Variants in SUPT6H observed in about 807,000 individuals in gnomAD.
SUPT6H encodes SPT6 homolog, histone chaperone and transcription elongation factor, also known as transcription elongation factor SPT6.
A neutral mutation model predicts 222.3 loss-of-function variants in SUPT6H; 11 were observed. The ratio of observed to expected loss-of-function variants is 0.05; its 90% confidence interval spans 0.03 to 0.08. The LOEUF is 0.08. Ranked by LOEUF, SUPT6H falls within the 10% of genes least tolerant of loss-of-function variation. SUPT6H has a pLI of 1.00. For synonymous variants in SUPT6H, 762 were observed against 801.2 expected (o/e 0.95, Z 0.83); for missense variants, 1,422 against 2,216.0 (o/e 0.64, Z 7.19).
chr17:28,666,267 A>G (rs2030003144), intron 1 of SUPT6H, among the ~76,000 whole-genome samples: 1 of 152,262 alleles, frequency 6.6e-6, no homozygotes, highest in Non-Finnish European at 1.5e-5. Flanking sequence ...ATCAGGGGTC[A>G]CAAACTAAGG....
At chr17:28,695,306 C>A in intron 28 of SUPT6H, 46 bp from the exon 29 acceptor site, 1 of 1,579,074 alleles carries the variant, frequency 6.3e-7, no homozygotes, top group Non-Finnish European at 8.6e-7. Context: ...GGGCATCGGG[C>A]TAGATCATCT....
Position 28,693,790 on chromosome 17 carries a change from A to G in SUPT6H, c.3728A>G (p.Lys1243Arg), listed in dbSNP as rs779180086. 1.9e-6 allele frequency: 3 copies of G among 1,614,188 alleles called. No individual in the cohort carries two copies. The highest frequency in any genetic ancestry group is 2.2e-5 in the East Asian group (1 of 44,886). ...DNGVTGFIPTKFLSDKVVKRP... is the reference protein window; with the variant it reads ...DNGVTGFIPTRFLSDKVVKRP... ...GGTGTCACCGGCTTCATCCCCACCA[A>G]ATTCCTCAGTGACAAAGTGGTAAAG... The change falls in exon 28 of 37, where the codon AAA becomes AGA. Residue 1243 changes from lysine to arginine, a missense_variant. This residue lies in a region of SUPT6H where 39 missense variants were observed against 124.2 expected (regional missense o/e 0.31). Coordinates refer to ENST00000314616, the MANE Select transcript of SUPT6H (RefSeq NM_003170.5).
intron 11 of SUPT6H, among the ~76,000 whole-genome samples, 174 bp downstream of exon 11, chr17:28,679,137 C>T (rs1256407859): frequency 2.0e-5 from 3 of 152,046 alleles, no homozygotes; most frequent in Admixed American, 6.6e-5. Context: ...TTTGGGAGGC[C>T]GAGGCGGGCA....
chr17:28,697,558 G>T, intron 30 of SUPT6H, 62 bp from the exon 31 acceptor site: 1 of 1,394,698 alleles, frequency 7.2e-7, no homozygotes, highest in African/African-American at 1.4e-5. Context: ...TCTTCTGGAT[G>T]GATTTGATCA....
intron 1 of SUPT6H, among the ~76,000 whole-genome samples, chr17:28,666,148 A>G (rs2029996352): frequency 6.6e-6 from 1 of 152,310 alleles, no homozygotes; most frequent in Non-Finnish European, 1.5e-5. Context: ...TCCTCTGCTG[A>G]ACTAATTCCT....
chr17:28,686,483 G>A, intron 20 of SUPT6H, 68 bp downstream of exon 20: 4 of 1,575,742 alleles, frequency 2.5e-6, no homozygotes, highest in Non-Finnish European at 3.5e-6. Context: ...ATTGAGTCTG[G>A]CATATGCCCA....
intron 32 of SUPT6H, among the ~76,000 whole-genome samples, chr17:28,698,833 G>T (rs1437561761): frequency 6.6e-6 from 1 of 152,168 alleles, no homozygotes; most frequent in East Asian, 1.9e-4. Context: ...CTGGAATATT[G>T]TGCTCATTTC....
intron 1 of SUPT6H, among the ~76,000 whole-genome samples, chr17:28,662,845 G>A (rs371309476): frequency 1.3e-5 from 2 of 152,198 alleles, no homozygotes; most frequent in East Asian, 1.9e-4. Context: ...CCTTTCTAAA[G>A]ATCGAAGGTC....
At chr17:28,682,029 G>A in intron 13 of SUPT6H, 49 bp downstream of exon 13, 2 of 1,487,794 alleles carry the variant, frequency 1.3e-6, no homozygotes, top group Non-Finnish European at 1.8e-6. Context: ...TGAGCAAGGG[G>A]AGTTACCCAG....
intron 9 of SUPT6H, among the ~76,000 whole-genome samples, 172 bp downstream of exon 9, chr17:28,678,364 C>G (rs2030883640): frequency 1.3e-5 from 2 of 152,312 alleles, no homozygotes; most frequent in Middle Eastern, 3.4e-3. Flanking sequence ...GCTACCCTGT[C>G]TGCAGCTTTA....
At chr17:28,665,576 G>A (rs1027626037) in intron 1 of SUPT6H, among the ~76,000 whole-genome samples, 2 of 152,068 alleles carry the variant, frequency 1.3e-5, no homozygotes, top group South Asian at 4.2e-4. Flanking sequence ...TGGCCAACAT[G>A]GTGAAACCCC....
At chr17:28,700,636 C>T (rs1412016216) in intron 35 of SUPT6H, 124 bp downstream of exon 35, 17 of 1,307,550 alleles carry the variant, frequency 1.3e-5, no homozygotes, top group Non-Finnish European at 1.7e-5. Flanking sequence ...CTGTCTCCAA[C>T]AGATATTTCT....
chr17:28,679,431 C>T (rs2030956588), intron 11 of SUPT6H, among the ~76,000 whole-genome samples: 1 of 152,004 alleles, frequency 6.6e-6, no homozygotes, highest in African/African-American at 2.4e-5. Context: ...TGCCTGTAGT[C>T]CCAGTTACTT....
At chr17:28,684,532 C>A in intron 17 of SUPT6H, 54 bp from the exon 18 acceptor site, 1 of 1,600,648 alleles carries the variant, frequency 6.2e-7, no homozygotes, top group Non-Finnish European at 8.6e-7. Flanking sequence ...CTTGGTGAGC[C>A]TGATGACCAT....
chr17:28,687,558 G>T (rs549029017), intron 23 of SUPT6H, 87 bp downstream of exon 23: 7 of 1,426,394 alleles, frequency 4.9e-6, no homozygotes, highest in Non-Finnish European at 6.6e-6. Context: ...TTGACAGATT[G>T]GGAGGACCAA....
chr17:28,683,132 G>T, intron 15 of SUPT6H, 40 bp downstream of exon 15: 1 of 1,565,776 alleles, frequency 6.4e-7, no homozygotes, highest in Admixed American at 2.0e-5. Flanking sequence ...ATGTGCACCA[G>T]CTCTTTCTTT....
chr17:28,687,642 G>A (rs1279093503), intron 23 of SUPT6H, among the ~76,000 whole-genome samples, 171 bp downstream of exon 23: 2 of 152,184 alleles, frequency 1.3e-5, no homozygotes, highest in Non-Finnish European at 2.9e-5. Context: ...GTTGGCCAAA[G>A]CTGTGCCCTT....
intron 9 of SUPT6H, 150 bp downstream of exon 9, chr17:28,678,342 C>A: frequency 3.5e-6 from 3 of 861,142 alleles, no homozygotes; most frequent in Non-Finnish European, 3.7e-6. Flanking sequence ...CCCTAGTGAT[C>A]GTAAGAACAA....
At chr17:28,685,731 G>A (rs1567697274) in intron 19 of SUPT6H, among the ~76,000 whole-genome samples, 1 of 152,158 alleles carries the variant, frequency 6.6e-6, no homozygotes, top group South Asian at 2.1e-4. Context: ...TGATCCATCT[G>A]CCTCAGCCTC....
Sources: gnomAD v4.1 joint callset for allele counts (sites outside exome capture counted in the v4.1 genomes callset) on GRCh38, gnomAD v4.1.1 for gene constraint, gnomAD v4.1.1 regional missense constraint, MANE v1.5 for transcripts, NCBI Gene and HGNC (gene_info 2026-07-23, HGNC 2026-07-21) for gene names.